TYW1: variants seen among roughly 807,000 people sequenced by gnomAD.
The protein encoded by TYW1 is tRNA-yW synthesizing protein 1 homolog, also known as S-adenosyl-L-methionine-dependent tRNA 4-demethylwyosine synthase TYW1.
In TYW1, 46 loss-of-function variants were observed where a neutral mutation model predicts 96.2. The observed-to-expected ratio is 0.48, with a 90% confidence interval of 0.38 to 0.61. The LOEUF (loss-of-function observed/expected upper bound fraction) is 0.61, where lower values mean the gene tolerates loss of function less well. Among genes scored for constraint, TYW1 ranks in the 20% least tolerant of loss-of-function variants. The pLI is 0.00. For synonymous variants in TYW1, 274 were observed against 323.0 expected (o/e 0.85, Z 1.63); for missense variants, 684 against 909.6 (o/e 0.75, Z 3.19).
chr7:67,016,731 G>A lies in TYW1; in HGVS notation c.571-1122G>A, dbSNP rs1000677392. 2.0e-5 allele frequency among the ~76,000 whole-genome samples: 3 copies of A among 152,128 alleles called. No individual in the cohort carries two copies. In the East Asian group the frequency reaches 5.8e-4, roughly 30 times the overall value. On this transcript the variant is annotated intron_variant, in intron 5 of 15. Coordinates refer to ENST00000359626, the MANE Select transcript of TYW1 (RefSeq NM_018264.4). ...AGCCTCGACCTCCCTGGGCTCAGGT[G>A]ATCCTCCCACCTTAGCCTACTGAGT...
At chr7:67,035,386 G>A (rs971193210) in intron 7 of TYW1, among the ~76,000 whole-genome samples, 2 of 152,034 alleles carry the variant, frequency 1.3e-5, no homozygotes, top group African/African-American at 2.4e-5. Context: ...AAAGTGTTGG[G>A]ATTACAAGCG....
intron 11 of TYW1, among the ~76,000 whole-genome samples, chr7:67,087,556 A>G (rs560299065): frequency 1.3e-5 from 2 of 152,170 alleles, no homozygotes; most frequent in South Asian, 4.1e-4. Flanking sequence ...TGGTATTTAT[A>G]CAGTATCTAT....
intron 13 of TYW1, among the ~76,000 whole-genome samples, chr7:67,128,214 A>G (rs1797960980): frequency 6.6e-6 from 1 of 152,118 alleles, no homozygotes. Context: ...CAGCTCCTGA[A>G]TATTCCATTC....
chr7:67,036,760 G>A (rs192051134), intron 7 of TYW1, among the ~76,000 whole-genome samples: 12 of 152,358 alleles, frequency 7.9e-5, no homozygotes, highest in South Asian at 4.1e-4. Flanking sequence ...ATTCTTCAGC[G>A]GAAAAGGAAG....
chr7:67,190,554 C>G (rs931901055), intron 14 of TYW1, among the ~76,000 whole-genome samples: 1 of 152,176 alleles, frequency 6.6e-6, no homozygotes. Flanking sequence ...TGATGGGTCA[C>G]TTTAGCCAGG....
intron 7 of TYW1, among the ~76,000 whole-genome samples, chr7:67,043,358 A>G (rs998489740): frequency 4.1e-5 from 4 of 97,830 alleles, no homozygotes; most frequent in Non-Finnish European, 6.2e-5. Flanking sequence ...GCCCATTGCT[A>G]CTTTTTTTTT....
chr7:67,026,235 G>A (rs113134088), intron 7 of TYW1, among the ~76,000 whole-genome samples: 16,719 of 152,040 alleles, frequency 0.11, 964 homozygotes, highest in Middle Eastern at 0.15. Context: ...ACCACGCTGA[G>A]CTAATTTTTG....
At chr7:67,203,689 G>GTTTTTT (rs1462061673) in intron 15 of TYW1, among the ~76,000 whole-genome samples, 3 of 151,816 alleles carry the variant, frequency 2.0e-5, no homozygotes, top group Admixed American at 2.0e-4. Context: ...GAGAAGAAGA[G>GTTTTTT]TTTATTGTAT....
chr7:67,069,559 C>T (rs764779327), intron 10 of TYW1, among the ~76,000 whole-genome samples: 35 of 152,040 alleles, frequency 2.3e-4, no homozygotes, highest in East Asian at 3.9e-4. Flanking sequence ...GGTAACATGA[C>T]GAAACCTTGT....
intron 12 of TYW1, among the ~76,000 whole-genome samples, chr7:67,108,443 CTTTTTTTT>C (rs11433479): frequency 3.0e-5 from 4 of 134,798 alleles, no homozygotes; most frequent in African/African-American, 1.1e-4. Flanking sequence ...CAGATTTTTT[CTTTTTTTT>C]TTTTTTTTGA....
At chr7:67,110,573 G>A (rs1431982219) in intron 12 of TYW1, among the ~76,000 whole-genome samples, 1 of 152,164 alleles carries the variant, frequency 6.6e-6, no homozygotes, top group African/African-American at 2.4e-5. Context: ...AATTATTTCA[G>A]CAAAAATAAG....
At chr7:67,142,205 C>T (rs773777730) in intron 13 of TYW1, among the ~76,000 whole-genome samples, 10 of 149,096 alleles carry the variant, frequency 6.7e-5, no homozygotes, top group African/African-American at 1.0e-4. Context: ...AAACAATCCT[C>T]CCACCTCAGT....
chr7:67,126,285 TGATGA>T (rs1797911826), intron 13 of TYW1, among the ~76,000 whole-genome samples: 1 of 151,494 alleles, frequency 6.6e-6, no homozygotes, highest in African/African-American at 2.4e-5. Context: ...CATATATCTT[TGATGA>T]GATGTCTGCT....
At chr7:67,131,582 T>A (rs983047173) in intron 13 of TYW1, among the ~76,000 whole-genome samples, 4 of 152,198 alleles carry the variant, frequency 2.6e-5, no homozygotes, top group African/African-American at 7.2e-5. Flanking sequence ...CATTCCATAT[T>A]GTATTAATGA....
intron 15 of TYW1, among the ~76,000 whole-genome samples, chr7:67,225,098 G>A (rs1444310804): frequency 6.6e-6 from 1 of 150,988 alleles, no homozygotes; most frequent in Admixed American, 6.6e-5. Context: ...GGCTGAGGCT[G>A]GAAAATCACT....
intron 13 of TYW1, among the ~76,000 whole-genome samples, chr7:67,171,790 A>T (rs1288924704): frequency 3.3e-5 from 5 of 151,998 alleles, no homozygotes; most frequent in African/African-American, 1.2e-4. Flanking sequence ...AGTTTTTTTT[A>T]TGGTCAGTGT....
intron 13 of TYW1, among the ~76,000 whole-genome samples, chr7:67,169,000 T>C (rs1165539026): frequency 2.5e-5 from 2 of 79,618 alleles, no homozygotes; most frequent in East Asian, 4.4e-4. Flanking sequence ...GTGTGAGCAC[T>C]GTGGCCGGCC....
chr7:67,033,946 G>A (rs1794750663), intron 7 of TYW1, among the ~76,000 whole-genome samples: 1 of 152,010 alleles, frequency 6.6e-6, no homozygotes, highest in Admixed American at 6.6e-5. Context: ...GCCCACCTCG[G>A]CCTCCCAGAG....
In TYW1 at chr7:67,068,434, C is replaced by T. The variant is rs185902348; in HGVS notation, c.1274+1031C>T. Among the ~76,000 whole-genome samples the T allele has an allele frequency of 2.7e-4, 41 of 152,304 alleles. 1 individual carries two copies. Among genetic ancestry groups the T allele is most frequent in the African/African-American group, 9.9e-4 (41 of 41,574 alleles). On this transcript the variant is annotated intron_variant, in intron 10 of 15. Transcript: ENST00000359626. ...TGTTGTTGTGGTCACTAATGACTTC[C>T]TTACTATCAGATCTAATAGAAGCTA... is the stretch of plus-strand genomic sequence containing the variant.
Sources: gnomAD v4.1 joint callset for allele counts (sites outside exome capture counted in the v4.1 genomes callset) on GRCh38, gnomAD v4.1.1 for gene constraint, MANE v1.5 for transcripts, NCBI Gene and HGNC (gene_info 2026-07-23, HGNC 2026-07-21) for gene names.